The following KIAA0319L variants were observed in gnomAD, a reference collection of about 807,000 sequenced individuals.
KIAA0319L encodes the protein dyslexia-associated protein KIAA0319-like protein.
A neutral mutation model predicts 120.1 loss-of-function variants in KIAA0319L; 55 were observed. That is an observed-to-expected ratio of 0.46 (90% CI 0.37 to 0.57). The LOEUF is 0.57. KIAA0319L is among the 20% of genes least tolerant of loss of function. The pLI, the probability that KIAA0319L is intolerant of heterozygous loss-of-function variation, is 0.00. For missense variants in KIAA0319L, 1,049 were observed against 1,255.3 expected, an observed-to-expected ratio of 0.84 and a Z score of 2.48; for synonymous variants, 398 against 471.9, an observed-to-expected ratio of 0.84 and a Z score of 2.03.
At chr1:35,528,664 T>C (rs1646247199) in intron 2 of KIAA0319L, among the ~76,000 whole-genome samples, 1 of 152,216 alleles carries the variant, frequency 6.6e-6, no homozygotes, top group South Asian at 2.1e-4. Context: ...GTGTTTTTTG[T>C]TGATTTTTCT....
chr1:35,498,471 C>T (rs1644892177), intron 3 of KIAA0319L, among the ~76,000 whole-genome samples: 1 of 152,054 alleles, frequency 6.6e-6, no homozygotes, highest in Admixed American at 6.6e-5. Flanking sequence ...CTGAACAAAC[C>T]TGTTTCTTCT....
chr1:35,473,513 A>G (rs1643767040), intron 5 of KIAA0319L, among the ~76,000 whole-genome samples: 1 of 152,150 alleles, frequency 6.6e-6, no homozygotes, highest in Non-Finnish European at 1.5e-5. Flanking sequence ...AGAGCCAAAC[A>G]TGTCTTTCAC....
Position 35,554,463 on chromosome 1 carries a change from T to C in KIAA0319L, c.29A>G (p.Asn10Ser), listed in dbSNP as rs1232649199. The C allele has an allele frequency of 1.9e-6, 3 of 1,613,262 alleles. No individual in the cohort carries two copies. The highest frequency in any genetic ancestry group is 1.7e-5 in the Admixed American group (1 of 59,722). MEKRLGVKP[N>S]PASWILSGYY... ...TCCTGATAAAATCCAGGAAGCAGGA[T>C]TTGGCTTGACTCCCAGCCTCTTCTC... Residue 10 changes from asparagine to serine, a missense_variant, in exon 2 of 21, where the codon AAT becomes AGT. By Grantham distance (46) the Asn-to-Ser change is conservative. Coordinates refer to ENST00000325722, the MANE Select transcript of KIAA0319L (RefSeq NM_024874.5).
intron 5 of KIAA0319L, 67 bp downstream of exon 5, chr1:35,474,738 C>T (rs1643839114): frequency 2.2e-6 from 2 of 920,280 alleles, no homozygotes; most frequent in Admixed American, 3.6e-5. Context: ...CCAGCCTGGA[C>T]AACACAGCAA....
chr1:35,446,398 A>G (rs544715720), intron 16 of KIAA0319L, among the ~76,000 whole-genome samples: 1 of 152,340 alleles, frequency 6.6e-6, no homozygotes, highest in South Asian at 2.1e-4. Flanking sequence ...ATTTTTAAAG[A>G]TATTCTTTCA....
intron 3 of KIAA0319L, among the ~76,000 whole-genome samples, chr1:35,479,445 T>C (rs181296682): frequency 6.6e-6 from 1 of 152,226 alleles, no homozygotes; most frequent in East Asian, 1.9e-4. Flanking sequence ...ATTTTCTGCA[T>C]TCTAAGTGTG....
chr1:35,548,808 T>C (rs1276445118), intron 2 of KIAA0319L, among the ~76,000 whole-genome samples: 1 of 152,160 alleles, frequency 6.6e-6, no homozygotes, highest in Admixed American at 6.6e-5. Flanking sequence ...TATATTCCAG[T>C]AGTGCTAAAC....
chr1:35,554,413 A>C lies in KIAA0319L; in HGVS notation c.79T>G (p.Trp27Gly). Residue 27 changes from tryptophan (W) to glycine (G), a missense_variant, in exon 2 of 21, where the codon TGG becomes GGG. Physicochemically the swap from Trp to Gly is radical, Grantham distance 184 (BLOSUM62 -2). Transcript: ENST00000325722. ...SGYYWQTSAK[W>G]LRSLYLFYTC... is the part of the protein sequence containing the mutation. ...TAAAACAGGTACAGGCTTCTCAACC[A>C]CTTCGCAGATGTCTGCCAATAATAT... is the stretch of plus-strand genomic sequence containing the variant. 6.2e-7 allele frequency: 1 copy of C among 1,613,520 alleles called. No homozygotes were observed. Among genetic ancestry groups the C allele is most frequent in the South Asian group, 1.1e-5 (1 of 90,960 alleles).
At position 35,474,904 on chromosome 1, in the gene KIAA0319L, T is replaced by A. The variant is rs769619947; in HGVS notation, c.916A>T (p.Ile306Leu). The A allele has an allele frequency of 3.9e-6, 6 of 1,553,514 alleles. No individual in the cohort carries two copies. Among genetic ancestry groups the A allele is most frequent in the Admixed American group, 1.7e-5 (1 of 59,176 alleles). Reference sequence around the variant, plus strand: ...CCAGCAGATACCACCAGTTCCTTTATAACTGGAAACAAAGTAAATATACCA... The same window carrying A: ...CCAGCAGATACCACCAGTTCCTTTAAAACTGGAAACAAAGTAAATATACCA... The part of the protein sequence containing the change: ...FQSTSAPYPV[I>L]KELVVSAGES... Residue 306 changes from isoleucine (I) to leucine (L), a missense_variant and splice_region_variant, in exon 5 of 21, where the codon ATA becomes TTA. By Grantham distance (5) the Ile-to-Leu change is conservative. Coordinates refer to ENST00000325722, the MANE Select transcript of KIAA0319L (RefSeq NM_024874.5).
intron 7 of KIAA0319L, among the ~76,000 whole-genome samples, chr1:35,465,942 G>A (rs576758628): frequency 1.3e-5 from 2 of 152,184 alleles, no homozygotes; most frequent in Non-Finnish European, 2.9e-5. Flanking sequence ...CACCATGATT[G>A]TGAGGCCTCC....
At chr1:35,450,903 C>A (rs1408941135) in intron 13 of KIAA0319L, among the ~76,000 whole-genome samples, 4 of 152,218 alleles carry the variant, frequency 2.6e-5, no homozygotes, top group Admixed American at 2.0e-4. Flanking sequence ...TTCAAAATAT[C>A]TTAAAATGTT....
At chr1:35,455,376 C>T (rs968075876) in intron 10 of KIAA0319L, among the ~76,000 whole-genome samples, 1 of 152,054 alleles carries the variant, frequency 6.6e-6, no homozygotes, top group Non-Finnish European at 1.5e-5. Flanking sequence ...ATGTTACCTG[C>T]CTGGTGACAG....
At chr1:35,472,241 T>C (rs1643668575) in intron 5 of KIAA0319L, among the ~76,000 whole-genome samples, 2 of 152,218 alleles carry the variant, frequency 1.3e-5, no homozygotes, top group African/African-American at 4.8e-5. Flanking sequence ...AGTGTAACTC[T>C]GTTAGAAAGA....
intron 3 of KIAA0319L, among the ~76,000 whole-genome samples, chr1:35,504,659 A>G (rs1019999524): frequency 2.0e-5 from 3 of 152,210 alleles, no homozygotes; most frequent in Non-Finnish European, 4.4e-5. Flanking sequence ...CAAATTTCCA[A>G]CTGCACAAAG....
chr1:35,505,038 ACTTT>A (rs1463731606), intron 3 of KIAA0319L, among the ~76,000 whole-genome samples: 2 of 151,880 alleles, frequency 1.3e-5, no homozygotes, highest in Non-Finnish European at 2.9e-5. Flanking sequence ...ATCAGCTTAA[ACTTT>A]CTTTCTTTAA....
intron 14 of KIAA0319L, 148 bp downstream of exon 14, chr1:35,450,210 G>T: frequency 1.0e-6 from 1 of 989,808 alleles, no homozygotes; most frequent in South Asian, 1.6e-5. Context: ...CTTACAGAAT[G>T]ACCCTAAGCA....
At chr1:35,502,125 A>C (rs1645029506) in intron 3 of KIAA0319L, among the ~76,000 whole-genome samples, 1 of 151,774 alleles carries the variant, frequency 6.6e-6, no homozygotes, top group Non-Finnish European at 1.5e-5. Flanking sequence ...AAAAATACAA[A>C]AAAAGTCGCT....
intron 2 of KIAA0319L, among the ~76,000 whole-genome samples, chr1:35,525,113 G>A (rs938701340): frequency 6.6e-5 from 10 of 151,964 alleles, no homozygotes; most frequent in African/African-American, 1.5e-4. Context: ...ATTTGCCTAC[G>A]TCTGGCTTAT....
At chr1:35,474,756 T>C in intron 5 of KIAA0319L, 49 bp downstream of exon 5, 2 of 1,095,746 alleles carry the variant, frequency 1.8e-6, no homozygotes, top group East Asian at 2.4e-5. Context: ...CAAGACTCCA[T>C]CTCTTTCAAA....
Sources: allele counts gnomAD v4.1 joint callset (sites outside exome capture counted in the v4.1 genomes callset), GRCh38; gene constraint gnomAD v4.1.1; transcripts MANE v1.5; gene names NCBI Gene and HGNC (gene_info 2026-07-23, HGNC 2026-07-21).